The following NKAIN3 variants were observed in gnomAD, a reference collection of about 807,000 sequenced individuals.
NKAIN3 encodes sodium/potassium transporting ATPase interacting 3, also known as sodium/potassium-transporting ATPase subunit beta-1-interacting protein 3.
Under a neutral mutation model 30.2 loss-of-function variants are expected in NKAIN3, and 25 were observed. The ratio of observed to expected loss-of-function variants is 0.83; its 90% CI spans 0.60 to 1.16. NKAIN3 has a LOEUF of 1.16. Among genes scored for constraint, NKAIN3 ranks in the 50% most tolerant of loss-of-function variants. NKAIN3 has a pLI of 0.00. For synonymous variants in NKAIN3, 91 were observed against 89.6 expected, an observed-to-expected ratio of 1.02 and a Z score of -0.09; for missense variants, 225 against 254.1, an observed-to-expected ratio of 0.89 and a Z score of 0.78.
At chr8:62,747,310 A>T (rs888448555) in intron 4 of NKAIN3, among the ~76,000 whole-genome samples, 181 bp downstream of exon 4, 2 of 152,158 alleles carry the variant, frequency 1.3e-5, no homozygotes, top group African/African-American at 4.8e-5. Flanking sequence ...TTCTCTTGGT[A>T]TCTAGACATT....
At chr8:62,657,249 A>G (rs1342899311) in intron 3 of NKAIN3, among the ~76,000 whole-genome samples, 1 of 152,170 alleles carries the variant, frequency 6.6e-6, no homozygotes, top group African/African-American at 2.4e-5. Flanking sequence ...ATACAATAAA[A>G]CTTCTTAAGA....
chr8:62,522,783 G>C (rs1415990896), intron 1 of NKAIN3, among the ~76,000 whole-genome samples: 1 of 151,750 alleles, frequency 6.6e-6, no homozygotes, highest in Non-Finnish European at 1.5e-5. Flanking sequence ...AATAAGAGAA[G>C]ATATTCTTTT....
At chr8:62,339,955 A>C (rs1815687040) in intron 1 of NKAIN3, among the ~76,000 whole-genome samples, 1 of 152,074 alleles carries the variant, frequency 6.6e-6, no homozygotes, top group South Asian at 2.1e-4. Flanking sequence ...AATACATGCA[A>C]GGACAAGTAG....
At chr8:62,813,567 C>A (rs913615554) in intron 4 of NKAIN3, among the ~76,000 whole-genome samples, 1 of 151,012 alleles carries the variant, frequency 6.6e-6, no homozygotes, top group Non-Finnish European at 1.5e-5. Flanking sequence ...AATCCATTTA[C>A]ATCCACAGTT....
At chr8:62,378,704 G>T (rs944426613) in intron 1 of NKAIN3, among the ~76,000 whole-genome samples, 1 of 152,186 alleles carries the variant, frequency 6.6e-6, no homozygotes, top group Non-Finnish European at 1.5e-5. Context: ...AAGAATTGAG[G>T]TTGGGGAACC....
intron 5 of NKAIN3, chr8:62,990,383 T>C: frequency 8.1e-7 from 1 of 1,233,032 alleles, no homozygotes; most frequent in East Asian, 3.3e-5. Context: ...ATATATAAAT[T>C]TTATGAAAAG....
At chr8:62,619,514 C>G (rs1811560041) in intron 3 of NKAIN3, among the ~76,000 whole-genome samples, 1 of 152,082 alleles carries the variant, frequency 6.6e-6, no homozygotes, top group Non-Finnish European at 1.5e-5. Context: ...TTTGTCCCAC[C>G]TTTCTGGACC....
chr8:62,993,944 T>C (rs1456454922), intron 5 of NKAIN3, among the ~76,000 whole-genome samples: 1 of 152,208 alleles, frequency 6.6e-6, no homozygotes, highest in Non-Finnish European at 1.5e-5. Flanking sequence ...CCATCTTATC[T>C]AACTTCAGGT....
At chr8:62,686,098 C>CTGG (rs1563515949) in intron 3 of NKAIN3, among the ~76,000 whole-genome samples, 1 of 152,130 alleles carries the variant, frequency 6.6e-6, no homozygotes. Flanking sequence ...GGACCTATCA[C>CTGG]GGCTTACTCT....
At position 62,305,603 on chromosome 8, in the gene NKAIN3, T is replaced by C. The variant is rs538564419; in HGVS notation, c.54+56476T>C. Among the ~76,000 whole-genome samples, 3 of 150,684 alleles carry C rather than the reference T, an allele frequency of 2.0e-5. 1 individual carries two copies. Among genetic ancestry groups the C allele is most frequent in the African/African-American group, 7.5e-5 (3 of 40,068 alleles). On this transcript the variant is annotated intron_variant, in intron 1 of 6. Transcript: ENST00000623646. ...GAAATTATGGAAGCTATCTATACTC[T>C]TTCCCTGCATGTCCTTTAAAATATC...
intron 1 of NKAIN3, among the ~76,000 whole-genome samples, chr8:62,401,074 C>G (rs1803852527): frequency 1.4e-5 from 2 of 143,514 alleles, no homozygotes; most frequent in South Asian, 4.7e-4. Context: ...TTAGATTTTC[C>G]CTTTTGAAGC....
At chr8:62,819,267 T>C (rs1049930576) in intron 4 of NKAIN3, among the ~76,000 whole-genome samples, 3 of 151,544 alleles carry the variant, frequency 2.0e-5, no homozygotes, top group African/African-American at 7.3e-5. Context: ...AATGATATGA[T>C]GACTGGGACT....
At chr8:62,567,644 C>G (rs1405274476) in intron 1 of NKAIN3, among the ~76,000 whole-genome samples, 1 of 151,848 alleles carries the variant, frequency 6.6e-6, no homozygotes, top group Non-Finnish European at 1.5e-5. Context: ...CTGTGGCTGG[C>G]TTTGAAGATA....
chr8:62,498,243 G>T (rs1370385370), intron 1 of NKAIN3, among the ~76,000 whole-genome samples: 1 of 152,020 alleles, frequency 6.6e-6, no homozygotes, highest in Non-Finnish European at 1.5e-5. Flanking sequence ...GGGAAGAATT[G>T]GTCTGAAGAA....
intron 1 of NKAIN3, among the ~76,000 whole-genome samples, chr8:62,326,736 T>C (rs1365082454): frequency 1.3e-5 from 2 of 152,018 alleles, no homozygotes; most frequent in African/African-American, 4.8e-5. Context: ...CTTTTGGCTA[T>C]TGTGAATAAC....
At chr8:62,842,361 GA>G (rs1819558409) in intron 4 of NKAIN3, among the ~76,000 whole-genome samples, 1 of 151,956 alleles carries the variant, frequency 6.6e-6, no homozygotes, top group Admixed American at 6.6e-5. Flanking sequence ...TGAAATTGAA[GA>G]AAACACAAAT....
rs138355563 is a variant in NKAIN3, at chr8:62,607,572, G to C, written c.273+17778G>C. On this transcript the variant is annotated intron_variant, in intron 3 of 6. Coordinates refer to ENST00000623646, the MANE Select transcript of NKAIN3 (RefSeq NM_001304533.3). ...TATAATCACTTTCATCCTGCACCAG[G>C]AATTTACATTTCAGTACTTCATAAG... is the stretch of plus-strand genomic sequence containing the variant. Among the ~76,000 whole-genome samples the C allele has an allele frequency of 1.3e-4, 20 of 152,212 alleles. 1 individual carries two copies. Among genetic ancestry groups the C allele is most frequent in the African/African-American group, 4.8e-4 (20 of 41,544 alleles).
chr8:62,670,785 G>T (rs527666642), intron 3 of NKAIN3, among the ~76,000 whole-genome samples: 293 of 151,846 alleles, frequency 1.9e-3, no homozygotes, highest in African/African-American at 6.3e-3. Context: ...GGCAATGGTG[G>T]CAGATTTCTT....
chr8:62,878,775 C>G (rs1346160133), intron 4 of NKAIN3, among the ~76,000 whole-genome samples: 1 of 149,790 alleles, frequency 6.7e-6, no homozygotes, highest in South Asian at 2.1e-4. Context: ...GGTTTTTTGT[C>G]CTTGTGATAG....
Sources: allele counts gnomAD v4.1 joint callset (sites outside exome capture counted in the v4.1 genomes callset), GRCh38; gene constraint gnomAD v4.1.1; transcripts MANE v1.5; gene names NCBI Gene and HGNC (gene_info 2026-07-23, HGNC 2026-07-21).